The following CLIC5 variants were observed in gnomAD, a reference collection of about 807,000 sequenced individuals.
CLIC5 encodes CLIC family member 5.
In CLIC5, 20 loss-of-function variants were observed where a neutral mutation model predicts 24.7. The ratio of observed to expected loss-of-function variants is 0.81; its 90% CI spans 0.57 to 1.18. CLIC5 has a LOEUF of 1.18. Among genes scored for constraint, CLIC5 ranks in the 50% most tolerant of loss-of-function variants. The pLI, the probability that CLIC5 is intolerant of heterozygous loss-of-function variation, is 0.00. For missense variants in CLIC5, 341 were observed against 326.1 expected, an observed-to-expected ratio of 1.05 and a Z score of -0.35; for synonymous variants, 159 against 135.6, an observed-to-expected ratio of 1.17 and a Z score of -1.20.
chr6:45,938,244 T>C (rs1764008811), intron 4 of CLIC5, among the ~76,000 whole-genome samples: 1 of 152,154 alleles, frequency 6.6e-6, no homozygotes, highest in Non-Finnish European at 1.5e-5. Context: ...GGATGGACCA[T>C]CTCCCGGGTC....
At chr6:45,970,268 T>C (rs749074005) in intron 1 of CLIC5, among the ~76,000 whole-genome samples, 2 of 151,708 alleles carry the variant, frequency 1.3e-5, no homozygotes, top group Non-Finnish European at 2.9e-5. Flanking sequence ...TTATATCTTC[T>C]GCTTTAGAAG....
intron 1 of CLIC5, among the ~76,000 whole-genome samples, chr6:45,999,174 C>T (rs1766259712): frequency 6.6e-6 from 1 of 152,182 alleles, no homozygotes; most frequent in Admixed American, 6.5e-5. Flanking sequence ...CCTCGGGTAT[C>T]ATTTTATCCA....
chr6:46,089,334 G>T, the CLIC5 span, among the ~76,000 whole-genome samples: 1 of 151,966 alleles, frequency 6.6e-6, no homozygotes, highest in Non-Finnish European at 1.5e-5. Flanking sequence ...GCTTATGCAG[G>T]TGACCTTGGG....
intron 1 of CLIC5, among the ~76,000 whole-genome samples, chr6:45,977,729 C>T (rs1765431974): frequency 6.6e-6 from 1 of 152,170 alleles, no homozygotes. Flanking sequence ...TGTCATTTCT[C>T]TCTTTTGGAC....
chr6:46,018,198 A>G (rs1228634708), upstream of CLIC5, among the ~76,000 whole-genome samples: 1 of 152,234 alleles, frequency 6.6e-6, no homozygotes, highest in Non-Finnish European at 1.5e-5. Flanking sequence ...AAATAAAATT[A>G]TATGCATAAA....
the CLIC5 span, among the ~76,000 whole-genome samples, chr6:46,127,152 A>C: frequency 1.4e-4 from 22 of 152,188 alleles, 1 homozygote; most frequent in Non-Finnish European, 1.5e-5. Context: ...ATTTTGTTAC[A>C]TGCATTGAAC....
chr6:46,107,360 C>T, the CLIC5 span, among the ~76,000 whole-genome samples: 2 of 152,288 alleles, frequency 1.3e-5, no homozygotes, highest in Admixed American at 1.3e-4. Context: ...TCCCTTTCTC[C>T]CTGGCTCAGT....
chr6:46,083,096 T>C (rs576036960), upstream of CLIC5, among the ~76,000 whole-genome samples: 1 of 152,252 alleles, frequency 6.6e-6, no homozygotes, highest in Admixed American at 6.5e-5. Flanking sequence ...GCCTATTTTT[T>C]CACGTTGCTA....
chr6:45,900,134 A>C lies in CLIC5; in HGVS notation c.*2954T>G, dbSNP rs1762471728. 6.6e-6 allele frequency: 1 copy of C among 152,200 alleles called. No homozygotes were observed. The highest frequency in any genetic ancestry group is 1.5e-5 in the Non-Finnish European group (1 of 68,038). 9.4% of individuals were successfully genotyped at this position (152,200 alleles called of 1,614,324 possible). A position where few individuals can be genotyped will look rare whatever the true frequency, so the allele number is the denominator to read the frequency against. ...CCAAACTCAGAAGCAGGCATTGCTGACTAGACAGTGAATTCAACTCAGTCA... is the reference window on the plus strand; with the variant it reads ...CCAAACTCAGAAGCAGGCATTGCTGCCTAGACAGTGAATTCAACTCAGTCA... On this transcript the variant is annotated 3_prime_UTR_variant, in exon 6 of 6. Coordinates refer to ENST00000339561, the MANE Select transcript of CLIC5 (RefSeq NM_016929.5).
chr6:45,955,290 C>T, intron 1 of CLIC5, 46 bp from the exon 2 acceptor site: 3 of 1,381,738 alleles, frequency 2.2e-6, no homozygotes, highest in Non-Finnish European at 3.1e-6. Flanking sequence ...GTGCAATTAG[C>T]AAGGGGAACA....
Position 45,952,514 on chromosome 6 carries a change from A to G in CLIC5, c.173+2621T>C, listed in dbSNP as rs149049862. ...CAATAATCCTATTGATTAAGAAGAC[A>G]CTGTCTCCATTGTACAGATGAGGAA... is the stretch of plus-strand genomic sequence containing the variant. On this transcript the variant is annotated intron_variant, in intron 2 of 5. Transcript: ENST00000339561. 7.2e-3 allele frequency among the ~76,000 whole-genome samples: 1,103 copies of G among 152,344 alleles called. 19 individuals are homozygous for G. Among genetic ancestry groups the G allele is most frequent in the Admixed American group, 0.027 (420 of 15,304 alleles).
intron 1 of CLIC5, among the ~76,000 whole-genome samples, chr6:46,012,441 G>C (rs1203798128): frequency 6.6e-6 from 1 of 152,162 alleles, no homozygotes; most frequent in African/African-American, 2.4e-5. Context: ...TCTCTTAAAA[G>C]TCACTGTCAG....
the CLIC5 span, among the ~76,000 whole-genome samples, chr6:46,118,048 T>C: frequency 6.6e-6 from 1 of 152,176 alleles, no homozygotes; most frequent in Non-Finnish European, 1.5e-5. Flanking sequence ...CAAGCCTGCC[T>C]ACATTTGAAG....
intron 1 of CLIC5, among the ~76,000 whole-genome samples, chr6:46,059,378 G>C (rs1762172681): frequency 6.6e-6 from 1 of 152,190 alleles, no homozygotes. Context: ...CCTATTATTT[G>C]CTTTAATTTT....
upstream of CLIC5, chr6:46,080,451 C>T (rs973356772): frequency 2.0e-5 from 11 of 555,644 alleles, no homozygotes; most frequent in Admixed American, 2.5e-4. Flanking sequence ...GAAGATAAAG[C>T]TTACACACTC....
At chr6:46,017,721 A>G (rs1406084594), upstream of CLIC5, among the ~76,000 whole-genome samples, 1 of 152,248 alleles carries the variant, frequency 6.6e-6, no homozygotes, top group African/African-American at 2.4e-5. Context: ...TGTCACGTAA[A>G]GATACTATTT....
chr6:46,081,323 C>A (rs1173772128), upstream of CLIC5, among the ~76,000 whole-genome samples: 1 of 152,152 alleles, frequency 6.6e-6, no homozygotes, highest in Non-Finnish European at 1.5e-5. Flanking sequence ...AGTGACAACC[C>A]AGCTAGGTTG....
At chr6:46,045,071 G>T (rs572939403) in intron 1 of CLIC5, among the ~76,000 whole-genome samples, 1 of 152,050 alleles carries the variant, frequency 6.6e-6, no homozygotes, top group Non-Finnish European at 1.5e-5. Flanking sequence ...CACCACACCC[G>T]CTCTCCTCTG....
At chr6:45,890,913 G>C (rs943185978) in intron 6 of CLIC5, among the ~76,000 whole-genome samples, 4 of 152,220 alleles carry the variant, frequency 2.6e-5, no homozygotes, top group African/African-American at 9.6e-5. Flanking sequence ...CAGAGGCTGG[G>C]GGAATGAGGA....
Sources: allele counts gnomAD v4.1 joint callset (sites outside exome capture counted in the v4.1 genomes callset), GRCh38; gene constraint gnomAD v4.1.1; transcripts MANE v1.5; gene names NCBI Gene and HGNC (gene_info 2026-07-23, HGNC 2026-07-21).